The following PTPRG variants were observed in gnomAD, a reference collection of about 807,000 sequenced individuals.
The protein encoded by PTPRG is protein tyrosine phosphatase receptor type G, also known as receptor-type tyrosine-protein phosphatase gamma.
In PTPRG, 102 loss-of-function variants were observed where a neutral mutation model predicts 165.3. The observed-to-expected ratio is 0.62, with a 90% CI of 0.53 to 0.73. The LOEUF (loss-of-function observed/expected upper bound fraction) is 0.73. PTPRG is among the 30% of genes least tolerant of loss of function. The pLI is 0.00. For missense variants in PTPRG, 1,866 were observed against 1,861.4 expected (o/e 1.00, Z -0.05); for synonymous variants, 675 against 669.5 (o/e 1.01, Z -0.13).
intron 2 of PTPRG, among the ~76,000 whole-genome samples, chr3:61,884,188 A>G (rs2037966657): frequency 6.6e-6 from 1 of 151,968 alleles, no homozygotes; most frequent in Non-Finnish European, 1.5e-5. Flanking sequence ...CCCTTTCGAA[A>G]CCTAGCTGTA....
In PTPRG at chr3:62,206,983, TC is replaced by T. The variant is rs1465055290; in HGVS notation, c.2155+3036del. On this transcript the variant is annotated intron_variant, in intron 12 of 29. Transcript: ENST00000474889. ...ACTCAACACTGGTAAATCAGAGCTT[TC>T]CCTTATCACCTTCAGCAAAGTGAGA... Among the ~76,000 whole-genome samples, 4 of 151,116 alleles carry T rather than the reference TC, an allele frequency of 2.6e-5. No homozygotes were observed. In the East Asian group the frequency reaches 7.8e-4, roughly 29 times the overall value.
intron 2 of PTPRG, among the ~76,000 whole-genome samples, chr3:61,833,259 T>C (rs868522731): frequency 2.6e-4 from 40 of 152,184 alleles, no homozygotes; most frequent in Admixed American, 2.5e-3. Flanking sequence ...CTATAGGACT[T>C]TCACTATAAT....
intron 2 of PTPRG, among the ~76,000 whole-genome samples, chr3:61,888,888 A>C (rs1575756352): frequency 6.6e-6 from 1 of 152,310 alleles, no homozygotes; most frequent in East Asian, 1.9e-4. Flanking sequence ...TGAAGAGTAT[A>C]TGGCAGTTAT....
chr3:61,972,330 C>T (rs750765475), intron 2 of PTPRG, among the ~76,000 whole-genome samples: 5 of 152,162 alleles, frequency 3.3e-5, no homozygotes, highest in Non-Finnish European at 5.9e-5. Context: ...TGGGCAGAGG[C>T]CAGATGTGTA....
Position 62,201,567 on chromosome 3 carries a change from T to C in PTPRG, c.1377+13T>C. On this transcript the variant is annotated intron_variant, in intron 11 of 29. Transcript: ENST00000474889. Reference sequence around the variant, plus strand: ...GAAAACAGGAGTGGTAAGTAGAGAATGGGAAATTGCTTTGTCGTGGCTGGT... The same window carrying C: ...GAAAACAGGAGTGGTAAGTAGAGAACGGGAAATTGCTTTGTCGTGGCTGGT... The C allele has an allele frequency of 6.2e-7, 1 of 1,608,546 alleles. No homozygotes were observed.
chr3:62,008,172 C>G (rs1311202694), intron 4 of PTPRG, among the ~76,000 whole-genome samples: 3 of 152,162 alleles, frequency 2.0e-5, no homozygotes, highest in African/African-American at 7.2e-5. Flanking sequence ...TCATATAACA[C>G]TAATAGAAAT....
chr3:61,712,278 A>G (rs2031603138), intron 1 of PTPRG, among the ~76,000 whole-genome samples: 2 of 152,168 alleles, frequency 1.3e-5, no homozygotes, highest in Admixed American at 1.3e-4. Flanking sequence ...TTTATATAGA[A>G]AAAATATATG....
In PTPRG at chr3:62,296,020, T is replaced by A. The variant is rs554624015; in HGVS notation, c.*2713T>A. 2.6e-4 allele frequency: 40 copies of A among 152,202 alleles called. No homozygotes were observed. Among genetic ancestry groups the A allele is most frequent in the Non-Finnish European group, 5.1e-4 (35 of 67,980 alleles). The allele number at this position is 152,202 out of a possible 1,614,324, so 9.4% of individuals were successfully genotyped here. A position where few individuals can be genotyped will look rare whatever the true frequency, so the allele number is the denominator to read the frequency against. On this transcript the variant is annotated 3_prime_UTR_variant, in exon 30 of 30. Transcript: ENST00000474889. Reference sequence around the variant, plus strand: ...CTTAATAAAATAAGCTGTTTGTGTATATGAATTTAGCTCTAGGTAAGCAAA... The same window carrying A: ...CTTAATAAAATAAGCTGTTTGTGTAAATGAATTTAGCTCTAGGTAAGCAAA...
At chr3:62,263,569 G>A (rs1416387778) in intron 17 of PTPRG, 1 of 152,446 alleles carries the variant, frequency 6.6e-6, no homozygotes, top group Non-Finnish European at 1.5e-5. Context: ...TAGGGGCATA[G>A]ATATTTATAG....
At position 62,203,969 on chromosome 3, in the gene PTPRG, C is replaced by T. The variant is rs1318912487; in HGVS notation, c.2155+19C>T. The T allele has an allele frequency of 6.5e-7, 1 of 1,530,474 alleles. No homozygotes were observed. Among genetic ancestry groups the T allele is most frequent in the East Asian group, 2.3e-5 (1 of 43,954 alleles). The allele number at this position is 1,530,474 out of a possible 1,614,324, so 94.8% of individuals were successfully genotyped here. A position where few individuals can be genotyped will look rare whatever the true frequency, so the allele number is the denominator to read the frequency against. On this transcript the variant is annotated intron_variant, in intron 12 of 29. Transcript: ENST00000474889. This position sits in a 1 kb window ranked among gnomAD's most constrained non-coding sequence, Gnocchi z 6.4. ...AATCCAGGTAAGTGGTGCAGGTCTT[C>T]TTCGAGGGTTCCTGCTCCTGTGAAT... is the stretch of plus-strand genomic sequence containing the variant.
At chr3:61,914,316 G>T (rs898646085) in intron 2 of PTPRG, among the ~76,000 whole-genome samples, 23 of 152,146 alleles carry the variant, frequency 1.5e-4, no homozygotes, top group Non-Finnish European at 8.8e-5. Context: ...TTGGAGCTGG[G>T]TCTTCTACTT....
At position 62,289,064 on chromosome 3, in the gene PTPRG, G is replaced by A. The variant is rs1224637174; in HGVS notation, c.4056-3357G>A. ...AGTGAACACATGGTATGTGGTGTGT[G>A]CCAATCTCTGTTCTGAGCCATTTAC... On this transcript the variant is annotated intron_variant, in intron 28 of 29. Coordinates refer to ENST00000474889, the MANE Select transcript of PTPRG (RefSeq NM_002841.4). Among the ~76,000 whole-genome samples, 4 of 152,302 alleles carry A rather than the reference G, an allele frequency of 2.6e-5. No individual in the cohort carries two copies. The East Asian group carries it at 7.7e-4, about 29-fold the overall frequency.
intron 4 of PTPRG, among the ~76,000 whole-genome samples, chr3:62,062,462 A>C (rs547183221): frequency 9.2e-5 from 14 of 152,206 alleles, no homozygotes; most frequent in Non-Finnish European, 1.9e-4. Flanking sequence ...TTTAGTTAAT[A>C]AAATGTTGGG....
intron 1 of PTPRG, among the ~76,000 whole-genome samples, chr3:61,744,552 C>CT (rs755036352): frequency 2.2e-3 from 337 of 152,224 alleles, no homozygotes; most frequent in Non-Finnish European, 3.9e-3. Flanking sequence ...GTAAAAAATA[C>CT]TTTATTATAA....
chr3:61,628,200 A>G (rs1701665574), intron 1 of PTPRG, among the ~76,000 whole-genome samples: 1 of 152,184 alleles, frequency 6.6e-6, no homozygotes, highest in Non-Finnish European at 1.5e-5. Context: ...AGAATTAGAT[A>G]TATGTGGCTC....
chr3:61,689,270 C>T (rs1308391624), intron 1 of PTPRG, among the ~76,000 whole-genome samples: 1 of 152,236 alleles, frequency 6.6e-6, no homozygotes, highest in African/African-American at 2.4e-5. Context: ...GCTTCCCTAT[C>T]ATCATCTGTA....
chr3:62,155,810 G>T (rs1041560899), intron 6 of PTPRG, among the ~76,000 whole-genome samples: 9 of 152,142 alleles, frequency 5.9e-5, no homozygotes, highest in African/African-American at 2.2e-4. Flanking sequence ...ATGAGAAGAG[G>T]AAGGAAGGAG....
At chr3:61,784,285 G>A (rs771397579) in intron 2 of PTPRG, among the ~76,000 whole-genome samples, 61 of 152,148 alleles carry the variant, frequency 4.0e-4, no homozygotes, top group Non-Finnish European at 6.8e-4. Flanking sequence ...GTTGGGGGAC[G>A]GGGTTAGGTG....
chr3:62,077,980 A>G (rs1701444522), intron 4 of PTPRG, among the ~76,000 whole-genome samples, 183 bp from the exon 5 acceptor site: 1 of 150,054 alleles, frequency 6.7e-6, no homozygotes, highest in South Asian at 2.1e-4. Flanking sequence ...CGTGGGCAAC[A>G]GAGCGAGACC....
Sources: allele counts gnomAD v4.1 joint callset (sites outside exome capture counted in the v4.1 genomes callset), GRCh38; gene constraint gnomAD v4.1.1; non-coding constraint Gnocchi (gnomAD v3.1); transcripts MANE v1.5; gene names NCBI Gene and HGNC (gene_info 2026-07-23, HGNC 2026-07-21).